LIMCH1: variants seen among roughly 807,000 people sequenced by gnomAD.
The protein encoded by LIMCH1 is LIM and calponin homology domains-containing protein 1.
A neutral mutation model predicts 176.5 loss-of-function variants in LIMCH1; 113 were observed. That is an observed-to-expected ratio of 0.64 (90% CI 0.55 to 0.75). The LOEUF (loss-of-function observed/expected upper bound fraction) is 0.75, where lower values mean the gene tolerates loss of function less well. LIMCH1 is among the 30% of genes least tolerant of loss of function. The pLI is 0.00. For synonymous variants in LIMCH1, 619 were observed against 645.9 expected, an observed-to-expected ratio of 0.96 and a Z score of 0.63; for missense variants, 1,674 against 1,814.9, an observed-to-expected ratio of 0.92 and a Z score of 1.41.
At chr4:41,370,391 AAAAC>A (rs759234773) in intron 1 of LIMCH1, among the ~76,000 whole-genome samples, 12 of 152,166 alleles carry the variant, frequency 7.9e-5, no homozygotes, top group Non-Finnish European at 1.6e-4. Context: ...TTAAAGGAAA[AAAAC>A]CCAAAATAAC....
chr4:41,613,047 G>C (rs775687748), intron 4 of LIMCH1: 139 of 1,551,832 alleles, frequency 9.0e-5, no homozygotes, highest in Non-Finnish European at 1.2e-4. Flanking sequence ...CTAAACCAGG[G>C]GCTCATTCCC....
At chr4:41,449,993 A>G (rs1038045689) in intron 1 of LIMCH1, among the ~76,000 whole-genome samples, 1 of 152,158 alleles carries the variant, frequency 6.6e-6, no homozygotes, top group Non-Finnish European at 1.5e-5. Flanking sequence ...CACCAGTCAC[A>G]TTGGATTAGA....
intron 31 of LIMCH1, among the ~76,000 whole-genome samples, chr4:41,693,828 C>T (rs1728298526): frequency 1.3e-5 from 2 of 152,196 alleles, no homozygotes; most frequent in South Asian, 2.1e-4. Context: ...GGTTGAAGGA[C>T]TGCTCAGAAA....
chr4:41,674,633 G>T (rs947296624), intron 22 of LIMCH1, among the ~76,000 whole-genome samples: 1 of 113,658 alleles, frequency 8.8e-6, no homozygotes, highest in Non-Finnish European at 1.8e-5. Context: ...AACTGCATTT[G>T]ATATGCCCAA....
chr4:41,494,123 G>A (rs13140281), intron 1 of LIMCH1, among the ~76,000 whole-genome samples: 29,271 of 151,874 alleles, frequency 0.19, 3,020 homozygotes, highest in South Asian at 0.32. Context: ...GTCAGGAAGG[G>A]TAGATATTGT....
At chr4:41,680,915 T>C in intron 24 of LIMCH1, 40 bp from the exon 25 acceptor site, 1 of 1,139,380 alleles carries the variant, frequency 8.8e-7, no homozygotes, top group Non-Finnish European at 1.3e-6. Flanking sequence ...ATATGATTTT[T>C]ATTTTCCCCC....
At chr4:41,403,355 C>T (rs1475830438) in intron 1 of LIMCH1, among the ~76,000 whole-genome samples, 4 of 151,978 alleles carry the variant, frequency 2.6e-5, no homozygotes, top group African/African-American at 4.8e-5. Flanking sequence ...CTGAGGCAAG[C>T]GGATCACTTG....
chr4:41,460,458 C>CTATATATATATATATATATATA (rs57517524), intron 1 of LIMCH1, among the ~76,000 whole-genome samples: 1,542 of 110,014 alleles, frequency 0.014, 52 homozygotes, highest in Middle Eastern at 0.037. Flanking sequence ...TAGTAATCAT[C>CTATATATATATATATATATATA]TATATATATA....
chr4:41,491,179 C>CCCACT (rs2070844808), intron 1 of LIMCH1, among the ~76,000 whole-genome samples: 1 of 149,256 alleles, frequency 6.7e-6, no homozygotes. Flanking sequence ...GGCAGAGGTG[C>CCCACT]TCCCCACATC....
At chr4:41,441,797 G>T (rs2062728469) in intron 1 of LIMCH1, among the ~76,000 whole-genome samples, 3 of 152,136 alleles carry the variant, frequency 2.0e-5, no homozygotes, top group African/African-American at 7.2e-5. Flanking sequence ...TATCTACTTT[G>T]CTAATATAAA....
intron 1 of LIMCH1, among the ~76,000 whole-genome samples, chr4:41,456,097 C>G (rs567245566): frequency 6.6e-6 from 1 of 152,158 alleles, no homozygotes; most frequent in East Asian, 1.9e-4. Context: ...ACAGCTGGAT[C>G]AGTATCTTTG....
At chr4:41,685,661 T>C in intron 27 of LIMCH1, 49 bp from the exon 28 acceptor site, 1 of 1,607,716 alleles carries the variant, frequency 6.2e-7, no homozygotes. Flanking sequence ...TCCTAGGTAG[T>C]AAGGTGATTT....
chr4:41,368,920 T>A (rs1382213540), intron 1 of LIMCH1, among the ~76,000 whole-genome samples: 2 of 152,322 alleles, frequency 1.3e-5, no homozygotes, highest in East Asian at 3.9e-4. Flanking sequence ...ATAGAGGCTG[T>A]AGAGGCTGTA....
chr4:41,384,464 T>C (rs1323453288), intron 1 of LIMCH1, among the ~76,000 whole-genome samples: 1 of 152,048 alleles, frequency 6.6e-6, no homozygotes, highest in African/African-American at 2.4e-5. Context: ...CGCCTCGGCC[T>C]CCCAAAGTGC....
chr4:41,609,821 C>T (rs181078529), intron 4 of LIMCH1, among the ~76,000 whole-genome samples: 62 of 152,274 alleles, frequency 4.1e-4, no homozygotes, highest in Middle Eastern at 3.4e-3. Context: ...TGTAGATGTG[C>T]TAGTCTCTGT....
At chr4:41,458,937 T>A (rs1237663283) in intron 1 of LIMCH1, among the ~76,000 whole-genome samples, 2 of 152,138 alleles carry the variant, frequency 1.3e-5, no homozygotes, top group African/African-American at 4.8e-5. Context: ...TGAGGCATCC[T>A]GAGTCATTTA....
At chr4:41,565,378 CACACAT>C (rs1229486944) in intron 1 of LIMCH1, among the ~76,000 whole-genome samples, 2,686 of 146,906 alleles carry the variant, frequency 0.018, 78 homozygotes, top group African/African-American at 0.065. Context: ...CACACACACA[CACACAT>C]ACACACACAC....
At chr4:41,581,532 C>T (rs1001829077) in intron 1 of LIMCH1, among the ~76,000 whole-genome samples, 1 of 152,032 alleles carries the variant, frequency 6.6e-6, no homozygotes, top group African/African-American at 2.4e-5. Flanking sequence ...GACAGCCGGG[C>T]GCAGTGGCTC....
rs77590952 is a variant in LIMCH1 at position 41,531,580 on chromosome 4, G to A, written c.237+7102G>A. On this transcript the variant is annotated intron_variant, in intron 3 of 26. Transcript: ENST00000313860. Reference sequence around the variant, plus strand: ...ATGCCCAGTGACCTCAAATCTTTGAGCCTCACACTGTGCTAGTTCTTGCCT... The same window carrying A: ...ATGCCCAGTGACCTCAAATCTTTGAACCTCACACTGTGCTAGTTCTTGCCT... Among the ~76,000 whole-genome samples, 10 of 151,358 alleles carry A rather than the reference G, an allele frequency of 6.6e-5. No individual in the cohort carries two copies. In the East Asian group the frequency reaches 2.0e-3, roughly 30 times the overall value.
Sources: gnomAD v4.1 joint callset for allele counts (sites outside exome capture counted in the v4.1 genomes callset) on GRCh38, gnomAD v4.1.1 for gene constraint, MANE v1.5 for transcripts, NCBI Gene and HGNC (gene_info 2026-07-23, HGNC 2026-07-21) for gene names.